The following TBK1 variants were observed in gnomAD, a reference collection of about 807,000 sequenced individuals.
The protein encoded by TBK1 is TANK binding kinase 1.
In TBK1, 37 loss-of-function variants were observed where a neutral mutation model predicts 99.9. The observed-to-expected ratio is 0.37, with a 90% confidence interval of 0.28 to 0.49. The LOEUF (loss-of-function observed/expected upper bound fraction) is 0.49, where lower values mean the gene tolerates loss of function less well. Among genes scored for constraint, TBK1 ranks in the 20% least tolerant of loss-of-function variants. TBK1 has a pLI of 0.98. For synonymous variants in TBK1, 258 were observed against 279.8 expected, an observed-to-expected ratio of 0.92 and a Z score of 0.78; for missense variants, 644 against 872.5, an observed-to-expected ratio of 0.74 and a Z score of 3.30.
At chr12:64,454,018 G>A (rs2040457640) in intron 1 of TBK1, among the ~76,000 whole-genome samples, 1 of 151,128 alleles carries the variant, frequency 6.6e-6, no homozygotes, top group South Asian at 2.1e-4. Context: ...TTAGCTTATG[G>A]GAATATTATG....
intron 5 of TBK1, 72 bp downstream of exon 5, chr12:64,467,154 C>A: frequency 8.5e-7 from 1 of 1,173,698 alleles, no homozygotes; most frequent in South Asian, 2.2e-5. Flanking sequence ...GGTAATTGGT[C>A]AGCCAATTCA....
chr12:64,489,697 T>C (rs557999478), intron 12 of TBK1, among the ~76,000 whole-genome samples: 13 of 151,658 alleles, frequency 8.6e-5, no homozygotes, highest in African/African-American at 3.1e-4. Context: ...GCCTCCCAAG[T>C]AACTGGGACT....
In TBK1 at chr12:64,489,888, T is replaced by C. The variant is rs551005906; in HGVS notation, c.1443-153T>C. Among the ~76,000 whole-genome samples the C allele has an allele frequency of 3.9e-5, 6 of 152,202 alleles. No homozygotes were observed. The South Asian group carries it at 1.2e-3, about 32-fold the overall frequency. On this transcript the variant is annotated intron_variant, in intron 12 of 20. Transcript: ENST00000331710. The stretch of plus-strand genomic sequence containing the variant: ...ACTGCACCTGGCCGGCATCAGGTTT[T>C]TTTTTTAACAATCTGCTGGCTTATA...
At position 64,471,107 on chromosome 12, in the gene TBK1, G is replaced by A. The variant is rs561566070; in HGVS notation, c.541-3123G>A. 1.1e-4 allele frequency among the ~76,000 whole-genome samples: 17 copies of A among 152,182 alleles called. No homozygotes were observed. In the East Asian group the frequency reaches 3.3e-3, roughly 29 times the overall value. Reference sequence around the variant, plus strand: ...AGCTCCCAGGAACTACAACCCATATGTTAAATTCTCTCTCTTTTGTATGTT... The same window carrying A: ...AGCTCCCAGGAACTACAACCCATATATTAAATTCTCTCTCTTTTGTATGTT... On this transcript the variant is annotated intron_variant, in intron 5 of 20. Transcript: ENST00000331710.
chr12:64,482,002 TA>T lies in TBK1; in HGVS notation c.974del (p.Tyr325LeufsTer35). 6.3e-7 allele frequency: 1 copy of T among 1,591,662 alleles called. No homozygotes were observed. Among genetic ancestry groups the T allele is most frequent in the Non-Finnish European group, 8.6e-7 (1 of 1,168,836 alleles). ...ACAACAAATGACAGCTCATAAGATT[TA>T]TATTCATAGCTATAATACGTAAGTA... ...SLQQMTAHKI[Y>X]IHSYNTATIF... On this transcript the variant is annotated frameshift_variant, in exon 8 of 21. Coordinates refer to ENST00000331710, the MANE Select transcript of TBK1 (RefSeq NM_013254.4). LOFTEE classifies it high-confidence loss of function.
intron 2 of TBK1, among the ~76,000 whole-genome samples, chr12:64,459,703 T>A (rs1352930957): frequency 6.6e-6 from 1 of 152,186 alleles, no homozygotes; most frequent in Non-Finnish European, 1.5e-5. Context: ...ACAAAATAAT[T>A]CTGAAAAGTT....
At chr12:64,494,724 A>G (rs532374883) in intron 13 of TBK1, among the ~76,000 whole-genome samples, 1 of 152,344 alleles carries the variant, frequency 6.6e-6, no homozygotes, top group Non-Finnish European at 1.5e-5. Context: ...AAAATTGCAT[A>G]ACAGTAAGAT....
intron 4 of TBK1, among the ~76,000 whole-genome samples, chr12:64,466,065 G>C (rs1197378172): frequency 1.3e-5 from 2 of 152,166 alleles, no homozygotes; most frequent in Non-Finnish European, 2.9e-5. Flanking sequence ...GTCACTGGAA[G>C]CAGAGTGATT....
intron 2 of TBK1, among the ~76,000 whole-genome samples, chr12:64,458,973 A>G (rs965864562): frequency 1.3e-5 from 2 of 152,328 alleles, no homozygotes; most frequent in African/African-American, 4.8e-5. Context: ...TTGCATGACC[A>G]GGGTGAGGGG....
At chr12:64,495,832 A>G (rs1436607139) in intron 15 of TBK1, 57 bp downstream of exon 15, 1 of 1,334,074 alleles carries the variant, frequency 7.5e-7, no homozygotes, top group African/African-American at 1.5e-5. Flanking sequence ...ATTAGTTATA[A>G]TTCAGTTAAA....
chr12:64,501,618 A>G lies in TBK1; in HGVS notation c.*237A>G, dbSNP rs1031886195. The G allele has an allele frequency of 1.1e-5, 5 of 441,116 alleles. No homozygotes were observed. Among genetic ancestry groups the G allele is most frequent in the Admixed American group, 8.1e-5 (2 of 24,814 alleles). The allele number at this position is 441,116 out of a possible 1,614,324, so 27.3% of individuals were successfully genotyped here. A position where few individuals can be genotyped will look rare whatever the true frequency, so the allele number is the denominator to read the frequency against. On this transcript the variant is annotated 3_prime_UTR_variant, in exon 21 of 21. Coordinates refer to ENST00000331710, the MANE Select transcript of TBK1 (RefSeq NM_013254.4). ...ATGAGGAAATTTGACCTCAGTGATC[A>G]CGAGAAGAAAGCCATGACCGACCAA...
chr12:64,452,882 T>G (rs1290389054), intron 1 of TBK1: 2 of 152,176 alleles, frequency 1.3e-5, no homozygotes, highest in Non-Finnish European at 2.9e-5. Flanking sequence ...AATTGCCAAA[T>G]GTATAACCAA....
intron 13 of TBK1, among the ~76,000 whole-genome samples, chr12:64,490,975 TAAAAA>T (rs544437313): frequency 3.3e-5 from 5 of 151,376 alleles, no homozygotes; most frequent in South Asian, 2.1e-4. Flanking sequence ...TTTTCTAAAA[TAAAAA>T]AGGAAAGAAA....
chr12:64,464,317 A>G lies in TBK1; in HGVS notation c.229-17A>G, dbSNP rs1278176025. The G allele has an allele frequency of 5.6e-6, 8 of 1,425,918 alleles. No homozygotes were observed. The highest frequency in any genetic ancestry group is 7.4e-6 in the Non-Finnish European group (8 of 1,085,474). The allele number at this position is 1,425,918 out of a possible 1,614,324, so 88.3% of individuals were successfully genotyped here. Reference sequence around the variant, plus strand: ...TATTTTTTATGTTGATTCCCAATCAATGATTTTTTTTTTCAGACAACAACA... The same window carrying G: ...TATTTTTTATGTTGATTCCCAATCAGTGATTTTTTTTTTCAGACAACAACA... On this transcript the variant is annotated splice_polypyrimidine_tract_variant and intron_variant, in intron 3 of 20. Coordinates refer to ENST00000331710, the MANE Select transcript of TBK1 (RefSeq NM_013254.4).
intron 5 of TBK1, among the ~76,000 whole-genome samples, chr12:64,471,738 T>G (rs1202387656): frequency 1.3e-5 from 2 of 152,212 alleles, no homozygotes; most frequent in Non-Finnish European, 2.9e-5. Flanking sequence ...TATGCTCTTC[T>G]TCCAGATGCA....
Position 64,483,370 on chromosome 12 carries a change from C to G in TBK1, c.993-933C>G, listed in dbSNP as rs186500455. 1.8e-3 allele frequency among the ~76,000 whole-genome samples: 270 copies of G among 152,272 alleles called. 2 individuals carry two copies. Among genetic ancestry groups the G allele is most frequent in the Non-Finnish European group, 8.2e-4 (56 of 68,014 alleles). ...CCAAATTACAATATTGCTGCTGAAA[C>G]ATTTCTTTTGATGTCATTGATCTAT... On this transcript the variant is annotated intron_variant, in intron 8 of 20. Transcript: ENST00000331710.
chr12:64,490,668 T>C (rs1018854377), intron 13 of TBK1, among the ~76,000 whole-genome samples: 7 of 152,206 alleles, frequency 4.6e-5, no homozygotes. Context: ...CTGGGCGCGG[T>C]GGCTCATGCC....
intron 13 of TBK1, 135 bp from the exon 14 acceptor site, chr12:64,495,348 A>T (rs2040914595): frequency 2.6e-6 from 3 of 1,142,772 alleles, no homozygotes; most frequent in Non-Finnish European, 3.7e-6. Flanking sequence ...GTATTTAAAA[A>T]TGGAAATAAT....
intron 6 of TBK1, among the ~76,000 whole-genome samples, chr12:64,479,447 A>T (rs977249864): frequency 2.0e-5 from 3 of 152,278 alleles, no homozygotes; most frequent in South Asian, 2.1e-4. Flanking sequence ...TCTATTTTTT[A>T]AAAAAATAAT....
Sources: allele counts gnomAD v4.1 joint callset (sites outside exome capture counted in the v4.1 genomes callset), GRCh38; gene constraint gnomAD v4.1.1; transcripts MANE v1.5; gene names NCBI Gene and HGNC (gene_info 2026-07-23, HGNC 2026-07-21).